Variants in LINGO2 observed in about 807,000 individuals in gnomAD.
LINGO2 encodes leucine rich repeat and Ig domain containing 2.
In LINGO2, 14 loss-of-function variants were observed where a neutral mutation model predicts 30.6. The ratio of observed to expected loss-of-function variants is 0.46; its 90% CI spans 0.30 to 0.72. The LOEUF is 0.72. Ranked by LOEUF, LINGO2 falls within the 30% of genes least tolerant of loss-of-function variation. The pLI is 0.07. For missense variants in LINGO2, 729 were observed against 751.7 expected (o/e 0.97, Z 0.35); for synonymous variants, 317 against 288.5 (o/e 1.10, Z -1.00).
the LINGO2 span, among the ~76,000 whole-genome samples, chr9:28,698,814 G>A: frequency 1.3e-5 from 2 of 151,916 alleles, no homozygotes; most frequent in Non-Finnish European, 2.9e-5. Flanking sequence ...GTCCAAGACT[G>A]GAGGATTGCT....
At chr9:28,936,472 G>A in the LINGO2 span, among the ~76,000 whole-genome samples, 1 of 152,044 alleles carries the variant, frequency 6.6e-6, no homozygotes, top group African/African-American at 2.4e-5. Flanking sequence ...ATCTGAAGAG[G>A]CCAGCAAACA....
At chr9:29,143,271 A>G in the LINGO2 span, among the ~76,000 whole-genome samples, 1 of 152,084 alleles carries the variant, frequency 6.6e-6, no homozygotes. Flanking sequence ...ATCCAATACA[A>G]TCCCTATCAA....
intron 4 of LINGO2, among the ~76,000 whole-genome samples, chr9:28,078,666 G>A (rs539022163): frequency 6.8e-6 from 1 of 147,988 alleles, no homozygotes; most frequent in Non-Finnish European, 1.5e-5. Flanking sequence ...GCCTAACATG[G>A]AGAAACGCCG....
the LINGO2 span, among the ~76,000 whole-genome samples, chr9:29,110,056 C>T: frequency 1.3e-5 from 2 of 152,048 alleles, no homozygotes; most frequent in Admixed American, 1.3e-4. Context: ...CAAATTCAGC[C>T]GTGATAAAAC....
chr9:28,111,234 C>T (rs950192831), intron 4 of LINGO2, among the ~76,000 whole-genome samples: 10 of 151,862 alleles, frequency 6.6e-5, no homozygotes, highest in South Asian at 6.2e-4. Flanking sequence ...CCGGGCCTAT[C>T]GGGGGCTTGG....
chr9:28,004,687 C>T (rs1822171847), intron 5 of LINGO2, among the ~76,000 whole-genome samples: 1 of 151,906 alleles, frequency 6.6e-6, no homozygotes, highest in African/African-American at 2.4e-5. Flanking sequence ...AACAAAGGCA[C>T]CTGAACAAAT....
exon 6 of LINGO2, chr9:27,948,712 T>C: frequency 1.0e-6 from 1 of 955,640 alleles, no homozygotes; most frequent in South Asian, 1.6e-5. Context: ...CCATTGGAAG[T>C]CCTCCTGCTT....
the LINGO2 span, among the ~76,000 whole-genome samples, chr9:29,141,065 G>C: frequency 6.6e-6 from 1 of 151,984 alleles, no homozygotes; most frequent in Non-Finnish European, 1.5e-5. Flanking sequence ...TGAAATGAAA[G>C]GATGCTAGAT....
At chr9:28,757,840 T>C in the LINGO2 span, among the ~76,000 whole-genome samples, 1 of 152,038 alleles carries the variant, frequency 6.6e-6, no homozygotes, top group Non-Finnish European at 1.5e-5. Context: ...TCCAGGTATA[T>C]GGGCTTTCCC....
At chr9:28,102,863 G>C (rs1000693834) in intron 4 of LINGO2, among the ~76,000 whole-genome samples, 3 of 152,126 alleles carry the variant, frequency 2.0e-5, no homozygotes, top group African/African-American at 7.2e-5. Flanking sequence ...ATGGAAGCCT[G>C]GCAGTCCAGC....
At chr9:28,049,645 A>AT (rs1462455060) in intron 4 of LINGO2, among the ~76,000 whole-genome samples, 1 of 150,798 alleles carries the variant, frequency 6.6e-6, no homozygotes, top group African/African-American at 2.5e-5. Flanking sequence ...AATTCCATTT[A>AT]TGTCACAAAT....
the LINGO2 span, among the ~76,000 whole-genome samples, chr9:29,140,294 G>A: frequency 6.6e-6 from 1 of 151,766 alleles, no homozygotes; most frequent in African/African-American, 2.4e-5. Context: ...TAAAGACTCA[G>A]GAAGCTCATG....
Position 28,329,065 on chromosome 9 carries a change from C to T in LINGO2, c.-245-33699G>A, listed in dbSNP as rs184730094. 8.5e-5 allele frequency among the ~76,000 whole-genome samples: 13 copies of T among 152,278 alleles called. No individual in the cohort carries two copies. The East Asian group carries it at 1.2e-3, about 14-fold the overall frequency. ...AGCTAGGCCTTATCCCTTACAAGAG[C>T]AGTCCCAGTATTTCTTGGTGTGTTG... is the stretch of plus-strand genomic sequence containing the variant. On this transcript the variant is annotated intron_variant, in intron 3 of 5. Coordinates refer to ENST00000379992, the Ensembl canonical transcript of LINGO2. The surrounding 1 kb of genome is among the most constrained non-coding windows in gnomAD (Gnocchi z 4.5).
chr9:28,189,305 G>A (rs796593381), intron 4 of LINGO2, among the ~76,000 whole-genome samples: 645 of 26,130 alleles, frequency 0.025, 5 homozygotes, highest in East Asian at 0.051. Context: ...GGAAGGAAGG[G>A]AGGAAGGAAG....
intron 4 of LINGO2, among the ~76,000 whole-genome samples, chr9:28,085,582 C>G (rs909191921): frequency 1.3e-5 from 2 of 152,002 alleles, no homozygotes; most frequent in African/African-American, 4.8e-5. Flanking sequence ...AATGGACTGC[C>G]TTATTGGAAC....
intron 2 of LINGO2, among the ~76,000 whole-genome samples, chr9:28,393,979 T>C (rs1175243611): frequency 1.4e-5 from 2 of 145,676 alleles, no homozygotes; most frequent in Non-Finnish European, 3.0e-5. Context: ...GTAAGTTGGT[T>C]GATAACTTGT....
intron 5 of LINGO2, among the ~76,000 whole-genome samples, chr9:27,992,635 T>A (rs1472110740): frequency 6.6e-6 from 1 of 152,012 alleles, no homozygotes; most frequent in Non-Finnish European, 1.5e-5. Context: ...AAAATAAAAT[T>A]ATATCAATAC....
chr9:28,955,185 A>T, the LINGO2 span, among the ~76,000 whole-genome samples: 3 of 151,824 alleles, frequency 2.0e-5, no homozygotes, highest in Non-Finnish European at 4.4e-5. Context: ...AGAGAGAGAG[A>T]GTGTGTGAGA....
the LINGO2 span, among the ~76,000 whole-genome samples, chr9:29,137,753 G>C: frequency 6.6e-6 from 1 of 152,096 alleles, no homozygotes; most frequent in African/African-American, 2.4e-5. Flanking sequence ...GATACTGCTG[G>C]TTTGAAAATG....
Sources: allele counts gnomAD v4.1 joint callset (sites outside exome capture counted in the v4.1 genomes callset), GRCh38; gene constraint gnomAD v4.1.1; non-coding constraint Gnocchi (gnomAD v3.1); transcripts MANE v1.5; gene names NCBI Gene and HGNC (gene_info 2026-07-23, HGNC 2026-07-21).